Variants in HS1BP3 observed in about 807,000 individuals in gnomAD.
The protein encoded by HS1BP3 is HCLS1-binding protein 3.
Under a neutral mutation model 33.5 loss-of-function variants are expected in HS1BP3, and 32 were observed. The observed-to-expected ratio is 0.95, with a 90% CI of 0.72 to 1.28. HS1BP3 has a LOEUF of 1.28. Among genes scored for constraint, HS1BP3 ranks in the 50% most tolerant of loss-of-function variants. The probability of loss-of-function intolerance (pLI) is 0.00; values close to 1 mark genes in which losing one functional copy is unlikely to be tolerated. For synonymous variants in HS1BP3, 187 were observed against 209.2 expected, an observed-to-expected ratio of 0.89 and a Z score of 0.92; for missense variants, 486 against 502.3, an observed-to-expected ratio of 0.97 and a Z score of 0.31.
At chr2:20,563,974 G>A (rs538330278) in intron 5 of HS1BP3, among the ~76,000 whole-genome samples, 1 of 152,208 alleles carries the variant, frequency 6.6e-6, no homozygotes, top group South Asian at 2.1e-4. Context: ...TGACACATGT[G>A]ATGAGTTGTG....
chr2:20,592,183 G>C (rs549464610), downstream of HS1BP3, among the ~76,000 whole-genome samples: 4 of 152,266 alleles, frequency 2.6e-5, no homozygotes, highest in South Asian at 8.3e-4. Context: ...AAATTAGCTG[G>C]GTATGGTGAT....
At chr2:20,629,291 A>G (rs556618598) in intron 4 of HS1BP3, among the ~76,000 whole-genome samples, 103 of 152,180 alleles carry the variant, frequency 6.8e-4, no homozygotes, top group African/African-American at 2.0e-3. Context: ...GGCCCCCTCA[A>G]TCCTCTCCTC....
At chr2:20,607,682 A>G (rs1694227146) in intron 2 of HS1BP3, among the ~76,000 whole-genome samples, 1 of 152,236 alleles carries the variant, frequency 6.6e-6, no homozygotes, top group Non-Finnish European at 1.5e-5. Context: ...ATTGGGAAGT[A>G]TAAGTCCTCC....
In HS1BP3 at chr2:20,573,444, A is replaced by AC. The variant is rs561436844; in HGVS notation, c.303-12930dup. On this transcript the variant is annotated intron_variant, in intron 5 of 5. Transcript: ENST00000446825. ...TTTGTTACTTGTTCTTCCCAGGGAG[A>AC]CCCCCCAAGCCCCTAACTGCTTTTA... 5.2e-3 allele frequency among the ~76,000 whole-genome samples: 788 copies of AC among 151,690 alleles called. 1 individual carries two copies. Among genetic ancestry groups the AC allele is most frequent in the African/African-American group, 0.017 (700 of 41,334 alleles).
chr2:20,646,717 A>AGT (rs1695532034), intron 1 of HS1BP3, among the ~76,000 whole-genome samples: 1 of 152,252 alleles, frequency 6.6e-6, no homozygotes, highest in Non-Finnish European at 1.5e-5. Flanking sequence ...GAGTTCACGC[A>AGT]GTGTGCACGC....
intron 3 of HS1BP3, among the ~76,000 whole-genome samples, chr2:20,595,995 G>A: frequency 6.6e-6 from 1 of 152,226 alleles, no homozygotes. Flanking sequence ...CCTGTGTGGA[G>A]TCCTGAAATG....
intron 4 of HS1BP3, among the ~76,000 whole-genome samples, chr2:20,632,413 G>T (rs1247941541): frequency 1.3e-5 from 2 of 152,218 alleles, no homozygotes; most frequent in Non-Finnish European, 1.5e-5. Flanking sequence ...GAGTGAACAG[G>T]TGAGGGCTGA....
rs140913301 is a variant in HS1BP3, at chr2:20,629,685, C to T, written c.624-4793G>A. Among the ~76,000 whole-genome samples, 6 of 152,362 alleles carry T rather than the reference C, an allele frequency of 3.9e-5. No individual in the cohort carries two copies. The East Asian group carries it at 1.2e-3, about 29-fold the overall frequency. On this transcript the variant is annotated intron_variant, in intron 4 of 6. Transcript: ENST00000304031. ...GGGGTGCTCCTGGATGGATTGCAGG[C>T]ATGTGCTGGCATGTTCTTGTTGCAT...
At position 20,618,583 on chromosome 2, in the gene HS1BP3, CCA is replaced by C. The variant is rs574785546; in HGVS notation, c.*402_*403del. The C allele has an allele frequency of 3.6e-4, 141 of 395,454 alleles. No homozygotes were observed. Among genetic ancestry groups the C allele is most frequent in the African/African-American group, 2.9e-3 (136 of 46,872 alleles). 24.5% of individuals were successfully genotyped at this position (395,454 alleles called of 1,614,324 possible). ...GCAGAGGAGGGATAGAGGCCCAGCC[CCA>C]GTTTGGGTCTGTGCTGGGGCTGGCA... On this transcript the variant is annotated 3_prime_UTR_variant, in exon 7 of 7. Coordinates refer to ENST00000304031, the MANE Select transcript of HS1BP3 (RefSeq NM_022460.4).
chr2:20,581,581 C>T (rs1558321751), intron 5 of HS1BP3, among the ~76,000 whole-genome samples: 1 of 152,288 alleles, frequency 6.6e-6, no homozygotes, highest in East Asian at 1.9e-4. Flanking sequence ...AACTCCAGAC[C>T]TCAGGTGATC....
chr2:20,579,504 C>A (rs1443719576), intron 5 of HS1BP3, among the ~76,000 whole-genome samples: 1 of 152,252 alleles, frequency 6.6e-6, no homozygotes, highest in Non-Finnish European at 1.5e-5. Context: ...GCATTGGAGA[C>A]TTCCGGCCCT....
At chr2:20,579,171 G>C (rs568274418) in intron 5 of HS1BP3, among the ~76,000 whole-genome samples, 1 of 152,262 alleles carries the variant, frequency 6.6e-6, no homozygotes, top group South Asian at 2.1e-4. Flanking sequence ...GACACGTGCT[G>C]TGTCCAGAGA....
intron 1 of HS1BP3, 86 bp downstream of exon 1, chr2:20,650,946 T>C (rs1411123409): frequency 8.8e-6 from 10 of 1,136,356 alleles, no homozygotes; most frequent in African/African-American, 1.6e-5. Context: ...GTCCCTGGCC[T>C]AGGAGGCGGC....
intron 4 of HS1BP3, among the ~76,000 whole-genome samples, chr2:20,634,005 G>A (rs1011336154): frequency 6.6e-6 from 1 of 152,238 alleles, no homozygotes; most frequent in African/African-American, 2.4e-5. Context: ...ACAGGTGCAG[G>A]GTGAGGTCGG....
chr2:20,612,110 C>T (rs1376200355), intron 2 of HS1BP3, among the ~76,000 whole-genome samples: 2 of 152,160 alleles, frequency 1.3e-5, no homozygotes, highest in Admixed American at 6.5e-5. Context: ...TAGCCTTATA[C>T]TACCCTAATG....
At chr2:20,628,096 T>C (rs1403777824) in intron 4 of HS1BP3, among the ~76,000 whole-genome samples, 1 of 152,170 alleles carries the variant, frequency 6.6e-6, no homozygotes, top group Non-Finnish European at 1.5e-5. Flanking sequence ...GAAGATCTCC[T>C]GGCCGACTCC....
At chr2:20,556,124 C>T (rs1432794457), downstream of HS1BP3, among the ~76,000 whole-genome samples, 1 of 152,194 alleles carries the variant, frequency 6.6e-6, no homozygotes, top group African/African-American at 2.4e-5. Flanking sequence ...TATTCTAGTA[C>T]CATAGTTCTG....
At chr2:20,566,606 T>C (rs1278164567) in intron 5 of HS1BP3, among the ~76,000 whole-genome samples, 1 of 150,382 alleles carries the variant, frequency 6.6e-6, no homozygotes, top group African/African-American at 2.5e-5. Flanking sequence ...ACAGGTTTTT[T>C]TTTTTGTTTT....
At chr2:20,621,902 C>T (rs1384663107) in intron 6 of HS1BP3, among the ~76,000 whole-genome samples, 3 of 152,220 alleles carry the variant, frequency 2.0e-5, no homozygotes, top group Non-Finnish European at 2.9e-5. Flanking sequence ...CTCTCACTAG[C>T]GCAAGGTCCA....
Sources: gnomAD v4.1 joint callset for allele counts (sites outside exome capture counted in the v4.1 genomes callset) on GRCh38, gnomAD v4.1.1 for gene constraint, MANE v1.5 for transcripts, NCBI Gene and HGNC (gene_info 2026-07-23, HGNC 2026-07-21) for gene names.